The following PAICS variants were observed in gnomAD, a reference collection of about 807,000 sequenced individuals.
The protein encoded by PAICS is phosphoribosylaminoimidazole carboxylase and phosphoribosylaminoimidazolesuccinocarboxamide synthase, also known as bifunctional phosphoribosylaminoimidazole carboxylase/phosphoribosylaminoimidazole succinocarboxamide synthetase.
In PAICS, 33 loss-of-function variants were observed where a neutral mutation model predicts 53.7. The observed-to-expected ratio is 0.61, with a 90% CI of 0.47 to 0.82. The LOEUF (loss-of-function observed/expected upper bound fraction) is 0.82. PAICS is among the 40% of genes least tolerant of loss of function. PAICS has a pLI of 0.00. For missense variants in PAICS, 394 were observed against 494.1 expected (o/e 0.80, Z 1.92); for synonymous variants, 141 against 167.2 (o/e 0.84, Z 1.21).
the PAICS span, among the ~76,000 whole-genome samples, chr4:56,417,835 G>GTTTTTTTTTTTTTTTTTTTTTTTTTTTT: frequency 9.8e-6 from 1 of 102,528 alleles, no homozygotes; most frequent in African/African-American, 3.5e-5. Flanking sequence ...TGAAGATTTG[G>GTTTTTTTTTTTTTTTTTTTTTTTTTTTT]TTTTTTGTTT....
chr4:56,447,004 T>C (rs1718655215), intron 3 of PAICS, 131 bp downstream of exon 3: 2 of 491,044 alleles, frequency 4.1e-6, no homozygotes, highest in Non-Finnish European at 6.8e-6. Flanking sequence ...ATTCCAAAAT[T>C]TGTCTTATCT....
rs761645139 is a variant in PAICS at position 56,441,686 on chromosome 4, T to A, written c.40T>A (p.Tyr14Asn). ...AGTACTGAACATTGGTAAAAAATTA[T>A]ATGAGGGTAAAACAAAAGAAGTCTA... is the stretch of plus-strand genomic sequence containing the variant. Reference protein sequence around the residue: ...AEVLNIGKKLYEGKTKEVYEL... With the variant: ...AEVLNIGKKLNEGKTKEVYEL... Residue 14 changes from tyrosine (Y) to asparagine (N), a missense_variant, in exon 2 of 9, where the codon TAT becomes AAT. By Grantham distance (143) the Tyr-to-Asn change is moderately radical (BLOSUM62 -2). Transcript: ENST00000512576. 6.3e-7 allele frequency: 1 copy of A among 1,581,468 alleles called. No homozygotes were observed. Among genetic ancestry groups the A allele is most frequent in the Non-Finnish European group, 8.6e-7 (1 of 1,166,250 alleles).
rs140881859 is a variant in PAICS, at chr4:56,463,811, G to A, written c.*4273G>A. On this transcript the variant is annotated 3_prime_UTR_variant, in exon 9 of 9. Coordinates refer to ENST00000512576, the MANE Select transcript of PAICS (RefSeq NM_001079524.2). ...AATTCTGTCAACTTGACTAGGCTACGGGATGCCTTGATAGCTGGTCAAACA... is the reference window on the plus strand; with the variant it reads ...AATTCTGTCAACTTGACTAGGCTACAGGATGCCTTGATAGCTGGTCAAACA... 2.0e-5 allele frequency: 3 copies of A among 152,190 alleles called. No individual in the cohort carries two copies. Among genetic ancestry groups the A allele is most frequent in the East Asian group, 1.9e-4 (1 of 5,168 alleles). The allele number at this position is 152,190 out of a possible 1,614,324, so 9.4% of individuals were successfully genotyped here.
chr4:56,432,129 A>C (rs1717617367), upstream of PAICS, among the ~76,000 whole-genome samples: 1 of 152,168 alleles, frequency 6.6e-6, no homozygotes, highest in Non-Finnish European at 1.5e-5. Flanking sequence ...TATTCTGTTA[A>C]CCCCAGGACT....
chr4:56,441,612 A>G (rs1718344602), intron 1 of PAICS, 51 bp from the exon 2 acceptor site: 1 of 771,926 alleles, frequency 1.3e-6, no homozygotes, highest in Admixed American at 3.3e-5. Flanking sequence ...TTTAGTCTTC[A>G]GCATTCAGGA....
Position 56,459,752 on chromosome 4 carries a change from C to A in PAICS, c.*214C>A. 2.2e-6 allele frequency: 1 copy of A among 456,516 alleles called. No individual in the cohort carries two copies. Among genetic ancestry groups the A allele is most frequent in the South Asian group, 3.7e-5 (1 of 27,328 alleles). 28.3% of individuals were successfully genotyped at this position (456,516 alleles called of 1,614,324 possible). On this transcript the variant is annotated 3_prime_UTR_variant, in exon 9 of 9. Coordinates refer to ENST00000512576, the MANE Select transcript of PAICS (RefSeq NM_001079524.2). Reference sequence around the variant, plus strand: ...CCAAGATATTTCAGCCAGCCTTTATCATTCCTCTTACTTTATCCTTTTTCC... The same window carrying A: ...CCAAGATATTTCAGCCAGCCTTTATAATTCCTCTTACTTTATCCTTTTTCC...
chr4:56,444,553 G>A (rs1326795326), intron 2 of PAICS, among the ~76,000 whole-genome samples: 5 of 152,136 alleles, frequency 3.3e-5, no homozygotes, highest in African/African-American at 1.2e-4. Context: ...TCCAGAGTGT[G>A]TCAGTGACAT....
At chr4:56,423,655 A>G in the PAICS span, among the ~76,000 whole-genome samples, 1 of 143,730 alleles carries the variant, frequency 7.0e-6, no homozygotes, top group Non-Finnish European at 1.5e-5. Context: ...AGTCAAAAGT[A>G]CAAGTTTTTT....
At chr4:56,447,928 C>G (rs1174199466) in intron 3 of PAICS, among the ~76,000 whole-genome samples, 1 of 151,754 alleles carries the variant, frequency 6.6e-6, no homozygotes, top group Non-Finnish European at 1.5e-5. Flanking sequence ...CTCCTAGGCT[C>G]AAGCGATCCT....
chr4:56,436,147 C>T, upstream of PAICS: 2 of 1,490,746 alleles, frequency 1.3e-6, no homozygotes, highest in Non-Finnish European at 1.8e-6. Context: ...CAGTCTCCGC[C>T]CATACCCCTC....
At chr4:56,413,735 A>G in the PAICS span, among the ~76,000 whole-genome samples, 1 of 151,974 alleles carries the variant, frequency 6.6e-6, no homozygotes, top group Admixed American at 6.6e-5. Context: ...GTCTCTACTA[A>G]AAATACAAAA....
In PAICS at chr4:56,448,736, C is replaced by T. The variant is rs1159996709; in HGVS notation, c.600C>T (p.Thr200=). 6.3e-7 allele frequency: 1 copy of T among 1,594,402 alleles called. No individual in the cohort carries two copies. The highest frequency in any genetic ancestry group is 8.6e-7 in the Non-Finnish European group (1 of 1,168,268). ...TTGAATTTGGTGTTGATGTAACCAC[C>T]AAAGAAATTGTTCTTGCTGATGTTA... The part of the protein sequence containing the change: ...MKIEFGVDVT[T]KEIVLADVID... The change falls in exon 5 of 9, where the codon ACC becomes ACT. Residue 200 remains threonine (T), a synonymous_variant. Coordinates refer to ENST00000512576, the MANE Select transcript of PAICS (RefSeq NM_001079524.2).
the PAICS span, chr4:56,420,079 T>A: frequency 1.4e-6 from 1 of 734,382 alleles, no homozygotes; most frequent in African/African-American, 1.9e-5. Context: ...AATCTTAACA[T>A]CATGTTACAT....
chr4:56,417,842 G>GTTTTTTTTT, the PAICS span, among the ~76,000 whole-genome samples: 1 of 136,168 alleles, frequency 7.3e-6, no homozygotes. Context: ...TTGGTTTTTT[G>GTTTTTTTTT]TTTTTTTTTT....
At chr4:56,454,768 ATAT>A (rs1719104408) in intron 8 of PAICS, among the ~76,000 whole-genome samples, 1 of 151,848 alleles carries the variant, frequency 6.6e-6, no homozygotes, top group South Asian at 2.1e-4. Context: ...TCAAGTTTAG[ATAT>A]TTTTTTCCCA....
chr4:56,434,630 G>C (rs1717798268), upstream of PAICS, among the ~76,000 whole-genome samples: 2 of 152,122 alleles, frequency 1.3e-5, no homozygotes, highest in South Asian at 4.2e-4. Flanking sequence ...TTTGAAGAAG[G>C]GAGTTAATTT....
upstream of PAICS, among the ~76,000 whole-genome samples, chr4:56,431,946 A>C (rs1717604876): frequency 6.6e-6 from 1 of 152,236 alleles, no homozygotes; most frequent in Admixed American, 6.5e-5. Flanking sequence ...GGACATGTGA[A>C]AATTCCCCTA....
chr4:56,417,958 G>C, the PAICS span, among the ~76,000 whole-genome samples: 3 of 151,042 alleles, frequency 2.0e-5, no homozygotes, highest in South Asian at 6.3e-4. Context: ...TCCTGCCTCA[G>C]CCTCCTGAGT....
chr4:56,410,614 A>T, the PAICS span: 3 of 986,264 alleles, frequency 3.0e-6, no homozygotes, highest in Non-Finnish European at 3.6e-6. Context: ...TTTATGGAAC[A>T]CTAAGAAATA....
Sources: allele counts gnomAD v4.1 joint callset (sites outside exome capture counted in the v4.1 genomes callset), GRCh38; gene constraint gnomAD v4.1.1; transcripts MANE v1.5; gene names NCBI Gene and HGNC (gene_info 2026-07-23, HGNC 2026-07-21).